Variants in TNFRSF8 observed in about 807,000 individuals in gnomAD.
TNFRSF8 encodes TNF receptor superfamily member 8.
Under a neutral mutation model 70.8 loss-of-function variants are expected in TNFRSF8, and 26 were observed. The ratio of observed to expected loss-of-function variants is 0.37; its 90% CI spans 0.27 to 0.51. The LOEUF is 0.51. TNFRSF8 is among the 20% of genes least tolerant of loss of function. The pLI is 0.94. For synonymous variants in TNFRSF8, 356 were observed against 339.2 expected (o/e 1.05, Z -0.54); for missense variants, 720 against 807.9 (o/e 0.89, Z 1.32).
At position 12,110,582 on chromosome 1, in the gene TNFRSF8, T is replaced by C. The variant is rs1641611981; in HGVS notation, c.676+378T>C. On this transcript the variant is annotated intron_variant, in intron 6 of 14. Coordinates refer to ENST00000263932, the MANE Select transcript of TNFRSF8 (RefSeq NM_001243.5). This position sits in a 1 kb window ranked among gnomAD's most constrained non-coding sequence, Gnocchi z 4.0. ...CCCTCCTGGTCTCCATGGCGAAGGG[T>C]CGACCCTCAGTCATTTTTCTTTTTC... Among the ~76,000 whole-genome samples, 1 of 151,956 alleles carries C rather than the reference T, an allele frequency of 6.6e-6. No homozygotes were observed. Among genetic ancestry groups the C allele is most frequent in the East Asian group, 1.9e-4 (1 of 5,182 alleles).
chr1:12,116,961 G>A (rs1474661560), intron 8 of TNFRSF8, among the ~76,000 whole-genome samples: 1 of 152,144 alleles, frequency 6.6e-6, no homozygotes, highest in Non-Finnish European at 1.5e-5. Context: ...GGTGTGAGGT[G>A]TAGTGGCCTG....
intron 8 of TNFRSF8, among the ~76,000 whole-genome samples, chr1:12,116,786 C>T (rs567106591): frequency 5.3e-5 from 8 of 151,884 alleles, no homozygotes; most frequent in South Asian, 2.1e-4. Flanking sequence ...GGCAACAGGG[C>T]GAAACTCTGC....
chr1:12,106,269 G>A (rs886389696), intron 4 of TNFRSF8, among the ~76,000 whole-genome samples: 7 of 152,060 alleles, frequency 4.6e-5, no homozygotes, highest in African/African-American at 1.7e-4. Flanking sequence ...GTGCTTCTCT[G>A]TCCCACCCGC....
chr1:12,074,766 C>T (rs1228665044), intron 1 of TNFRSF8, among the ~76,000 whole-genome samples: 3 of 152,034 alleles, frequency 2.0e-5, no homozygotes, highest in Non-Finnish European at 4.4e-5. Flanking sequence ...CGAATGGACT[C>T]CAGTGATTAT....
chr1:12,065,879 A>G (rs1640731350), intron 1 of TNFRSF8, among the ~76,000 whole-genome samples: 1 of 152,148 alleles, frequency 6.6e-6, no homozygotes, highest in African/African-American at 2.4e-5. Flanking sequence ...TTTTGGAAAT[A>G]AATGTCTGTG....
chr1:12,114,024 G>A (rs1641681482), intron 7 of TNFRSF8, among the ~76,000 whole-genome samples: 1 of 152,188 alleles, frequency 6.6e-6, no homozygotes, highest in South Asian at 2.1e-4. Flanking sequence ...TGGAGAAAGA[G>A]GTGTTGGCTC....
intron 3 of TNFRSF8, among the ~76,000 whole-genome samples, chr1:12,104,056 T>C (rs1641471885): frequency 6.6e-6 from 1 of 152,148 alleles, no homozygotes; most frequent in African/African-American, 2.4e-5. Context: ...CAGCTACTGA[T>C]CTTTTTACTG....
At chr1:12,102,141 C>T (rs993332254) in intron 3 of TNFRSF8, among the ~76,000 whole-genome samples, 3 of 152,138 alleles carry the variant, frequency 2.0e-5, no homozygotes, top group African/African-American at 2.4e-5. Context: ...TCTTCCTTGG[C>T]GCTGGTTTTC....
intron 1 of TNFRSF8, among the ~76,000 whole-genome samples, chr1:12,064,223 C>T (rs533612242): frequency 6.6e-6 from 1 of 152,254 alleles, no homozygotes; most frequent in South Asian, 2.1e-4. Context: ...GGCAAAGCAA[C>T]GCTGTGGATT....
chr1:12,109,570 G>A lies in TNFRSF8; in HGVS notation c.426G>A (p.Thr142=), dbSNP rs372348290. The A allele has an allele frequency of 1.5e-5, 24 of 1,613,358 alleles. No homozygotes were observed. The South Asian group carries it at 2.2e-4, about 15-fold the overall frequency. ...GCACTGCTGTCCCCCCTGCAGGCAC[G>A]GCGCAGAAGAACACGGTCTGTGAGC... is the stretch of plus-strand genomic sequence containing the variant. The part of the protein sequence containing the change: ...PAGMIVKFPG[T]AQKNTVCEPA... The change falls in exon 5 of 15, where the codon ACG becomes ACA. Residue 142 remains threonine, a synonymous_variant. Transcript: ENST00000263932. This position sits in a 1 kb window ranked among gnomAD's most constrained non-coding sequence, Gnocchi z 4.4.
At chr1:12,076,729 G>A (rs1640973559) in intron 1 of TNFRSF8, among the ~76,000 whole-genome samples, 1 of 152,180 alleles carries the variant, frequency 6.6e-6, no homozygotes, top group Admixed American at 6.6e-5. Context: ...CTGTGGCCAG[G>A]GATGGGTGTG....
Position 12,138,303 on chromosome 1 carries a change from G to C in TNFRSF8, c.1410G>C (p.Glu470Asp). 1.2e-6 allele frequency: 2 copies of C among 1,613,694 alleles called. No homozygotes were observed. The highest frequency in any genetic ancestry group is 1.7e-6 in the Non-Finnish European group (2 of 1,179,960). ...GGTTAATGAGCCAGCCACTGATGGA[G>C]ACCTGCCACAGCGTGGGGGCAGCCT... ...ERGLMSQPLMETCHSVGAAYL... is the reference protein window; with the variant it reads ...ERGLMSQPLMDTCHSVGAAYL... The change falls in exon 14 of 15, where the codon GAG (glutamate) becomes GAC (aspartate). Residue 470 changes from glutamate (E) to aspartate (D), a missense_variant. Glu to Asp is a conservative substitution (Grantham distance 45). Transcript: ENST00000263932. This position sits in a 1 kb window ranked among gnomAD's most constrained non-coding sequence, Gnocchi z 5.7.
rs1212267952 is a variant in TNFRSF8, at chr1:12,083,395, C to T, written c.64-1069C>T. ...TCATAATAACCAAAAAGTGGAATGTCTATCGAGAGCAGGCCCGGAGTGGTG... is the reference window on the plus strand; with the variant it reads ...TCATAATAACCAAAAAGTGGAATGTTTATCGAGAGCAGGCCCGGAGTGGTG... On this transcript the variant is annotated intron_variant, in intron 1 of 14. Transcript: ENST00000263932. 3.9e-5 allele frequency among the ~76,000 whole-genome samples: 6 copies of T among 152,116 alleles called. No homozygotes were observed. The East Asian group carries it at 1.2e-3, about 29-fold the overall frequency.
chr1:12,100,544 AATTTT>A (rs1445493867), intron 3 of TNFRSF8, among the ~76,000 whole-genome samples: 3 of 152,138 alleles, frequency 2.0e-5, no homozygotes, highest in Non-Finnish European at 4.4e-5. Context: ...TCTACTTTAA[AATTTT>A]ATTATTTTAT....
chr1:12,124,093 C>A (rs1268088489), intron 10 of TNFRSF8, among the ~76,000 whole-genome samples: 1 of 152,212 alleles, frequency 6.6e-6, no homozygotes, highest in African/African-American at 2.4e-5. Flanking sequence ...CAACCTCCAC[C>A]TCCCAGGTTC....
At chr1:12,078,140 G>A (rs11569813) in intron 1 of TNFRSF8, among the ~76,000 whole-genome samples, 2,444 of 152,182 alleles carry the variant, frequency 0.016, 62 homozygotes, top group African/African-American at 0.055. Context: ...GGAGACCCTC[G>A]GGTGGTCACT....
chr1:12,094,860 A>G (rs1641305160), intron 2 of TNFRSF8, among the ~76,000 whole-genome samples: 2 of 151,876 alleles, frequency 1.3e-5, no homozygotes, highest in South Asian at 4.2e-4. Flanking sequence ...TTATGACCTC[A>G]AATGATCCAT....
At chr1:12,082,782 A>T (rs1020522588) in intron 1 of TNFRSF8, among the ~76,000 whole-genome samples, 1 of 152,176 alleles carries the variant, frequency 6.6e-6, no homozygotes, top group African/African-American at 2.4e-5. Context: ...AAAGGCATTA[A>T]CCATAAAAGA....
intron 1 of TNFRSF8, among the ~76,000 whole-genome samples, chr1:12,076,097 C>CTTTTTTTTTTTTTTTTTT (rs397829917): frequency 3.6e-5 from 5 of 139,482 alleles, no homozygotes; most frequent in Non-Finnish European, 6.2e-5. Flanking sequence ...TTTTTTTTTT[C>CTTTTTTTTTTTTTTTTTT]TTTTTCTTTT....
Sources: gnomAD v4.1 joint callset for allele counts (sites outside exome capture counted in the v4.1 genomes callset) on GRCh38, gnomAD v4.1.1 for gene constraint, Gnocchi (gnomAD v3.1) non-coding constraint, MANE v1.5 for transcripts, NCBI Gene and HGNC (gene_info 2026-07-23, HGNC 2026-07-21) for gene names.